The following ABCG1 variants were observed in gnomAD, a reference collection of about 807,000 sequenced individuals.
The protein encoded by ABCG1 is ATP binding cassette subfamily G member 1, also known as ATP-binding cassette sub-family G member 1.
A neutral mutation model predicts 69.2 loss-of-function variants in ABCG1; 29 were observed. That is an observed-to-expected ratio of 0.42 (90% CI 0.31 to 0.57). The LOEUF is 0.57. Among genes scored for constraint, ABCG1 ranks in the 20% least tolerant of loss-of-function variants. ABCG1 has a pLI of 0.15. For missense variants in ABCG1, 718 were observed against 898.1 expected, an observed-to-expected ratio of 0.80 and a Z score of 2.56; for synonymous variants, 370 against 374.8, an observed-to-expected ratio of 0.99 and a Z score of 0.15.
chr21:42,251,955 G>A (rs2068229017), intron 2 of ABCG1, among the ~76,000 whole-genome samples: 1 of 152,244 alleles, frequency 6.6e-6, no homozygotes, highest in Admixed American at 6.5e-5. Context: ...GAAAGGACCA[G>A]GGAAGCTCAG....
At chr21:42,238,824 G>A (rs1344447388) in intron 2 of ABCG1, among the ~76,000 whole-genome samples, 3 of 152,300 alleles carry the variant, frequency 2.0e-5, no homozygotes, top group Admixed American at 6.5e-5. Context: ...TTGGCAGCTC[G>A]TGGCAGGGAG....
At chr21:42,262,144 G>C (rs1049034159) in intron 2 of ABCG1, among the ~76,000 whole-genome samples, 1 of 152,140 alleles carries the variant, frequency 6.6e-6, no homozygotes, top group African/African-American at 2.4e-5. Flanking sequence ...CAGGTAGTAG[G>C]AGAGGTTTTT....
rs530872186 is a variant in ABCG1, at chr21:42,258,951, A to C, written c.287-12119A>C. Among the ~76,000 whole-genome samples the C allele has an allele frequency of 1.7e-4, 26 of 152,174 alleles. No individual in the cohort carries two copies. The East Asian group carries it at 4.6e-3, about 27-fold the overall frequency. ...CATGTGAGGGGAGTTTGAGTCGTTCACTCCAGAATTCTGGAGAACCGTAGG... is the reference window on the plus strand; with the variant it reads ...CATGTGAGGGGAGTTTGAGTCGTTCCCTCCAGAATTCTGGAGAACCGTAGG... On this transcript the variant is annotated intron_variant, in intron 2 of 14. Transcript: ENST00000398449.
At chr21:42,286,737 C>T (rs973589461) in intron 8 of ABCG1, among the ~76,000 whole-genome samples, 8 of 152,040 alleles carry the variant, frequency 5.3e-5, no homozygotes, top group Non-Finnish European at 8.8e-5. Flanking sequence ...GAGGGAAGGG[C>T]GGGCAGGAAG....
At chr21:42,271,753 C>A (rs2068622367) in intron 3 of ABCG1, among the ~76,000 whole-genome samples, 1 of 152,080 alleles carries the variant, frequency 6.6e-6, no homozygotes, top group Non-Finnish European at 1.5e-5. Context: ...GGCGTGGTGG[C>A]AGGTGCTATA....
chr21:42,244,872 C>T (rs1483910791), intron 2 of ABCG1, among the ~76,000 whole-genome samples: 1 of 152,274 alleles, frequency 6.6e-6, no homozygotes, highest in Admixed American at 6.5e-5. Context: ...CCCCACCTTG[C>T]TGTTGGAACC....
intron 6 of ABCG1, among the ~76,000 whole-genome samples, chr21:42,282,665 G>A (rs530529925): frequency 1.3e-5 from 2 of 152,322 alleles, no homozygotes; most frequent in South Asian, 2.1e-4. Context: ...TGGGGGAAAC[G>A]TCCTTTCACG....
At chr21:42,279,515 CT>C (rs2068769913) in intron 5 of ABCG1, among the ~76,000 whole-genome samples, 1 of 152,214 alleles carries the variant, frequency 6.6e-6, no homozygotes, top group Non-Finnish European at 1.5e-5. Context: ...CCGAGCCGAG[CT>C]TCACCTGTAA....
chr21:42,209,618 C>T (rs1027884892), intron 2 of ABCG1, among the ~76,000 whole-genome samples: 1 of 152,168 alleles, frequency 6.6e-6, no homozygotes, highest in Admixed American at 6.5e-5. Context: ...ACTTCCTTGT[C>T]AAACTGATGA....
intron 14 of ABCG1, 123 bp downstream of exon 14, chr21:42,294,783 T>G: frequency 2.4e-6 from 2 of 843,136 alleles, no homozygotes; most frequent in Non-Finnish European, 4.0e-6. Context: ...ATTACACATC[T>G]GAGGATCCAG....
chr21:42,269,427 C>T (rs920991727), intron 2 of ABCG1, among the ~76,000 whole-genome samples: 10 of 152,326 alleles, frequency 6.6e-5, no homozygotes, highest in African/African-American at 1.4e-4. Flanking sequence ...CCTCCAGCCC[C>T]GCTAATCTGT....
rs1003318554 is a variant in ABCG1, at chr21:42,223,331, C to T, written c.43-2340C>T. Among the ~76,000 whole-genome samples the T allele has an allele frequency of 9.2e-5, 14 of 152,200 alleles. No homozygotes were observed. The South Asian group carries it at 2.3e-3, about 25-fold the overall frequency. On this transcript the variant is annotated intron_variant, in intron 1 of 14. Transcript: ENST00000398449. Reference sequence around the variant, plus strand: ...ATTTCTGCAGAAAGATTTCGTCCTGCGTCTCCCCATCTCAGGGTCTGTGTT... The same window carrying T: ...ATTTCTGCAGAAAGATTTCGTCCTGTGTCTCCCCATCTCAGGGTCTGTGTT...
At chr21:42,223,300 G>A (rs1429868915) in intron 1 of ABCG1, among the ~76,000 whole-genome samples, 2 of 152,156 alleles carry the variant, frequency 1.3e-5, no homozygotes, top group African/African-American at 4.8e-5. Flanking sequence ...ACTCAACTAA[G>A]ATTCTATTTC....
intron 2 of ABCG1, among the ~76,000 whole-genome samples, chr21:42,254,012 G>C (rs225376): frequency 0.72 from 109,889 of 152,042 alleles, 40,668 homozygotes; most frequent in African/African-American, 0.88. Context: ...ACAGCTGCTG[G>C]TGCTGCTTAG....
intron 2 of ABCG1, among the ~76,000 whole-genome samples, chr21:42,205,584 C>A (rs1323106294): frequency 1.4e-5 from 2 of 145,914 alleles, no homozygotes. Context: ...GGTGACAGAG[C>A]AAGACTCCAT....
upstream of ABCG1, among the ~76,000 whole-genome samples, chr21:42,216,358 C>T (rs1021876829): frequency 6.6e-6 from 1 of 151,052 alleles, no homozygotes; most frequent in Non-Finnish European, 1.5e-5. Flanking sequence ...TAAGCTGGTC[C>T]TGTCGAGAGC....
At position 42,220,434 on chromosome 21, in the gene ABCG1, T is replaced by A. The variant is rs557024528; in HGVS notation, c.42+1130T>A. ...TTGAGCTCAAGAGAAAAAAAAAAAA[T>A]AGCCAGGTTTCTGCGCATGCTCCGC... is the stretch of plus-strand genomic sequence containing the variant. On this transcript the variant is annotated intron_variant, in intron 1 of 14. Coordinates refer to ENST00000398449, the MANE Select transcript of ABCG1 (RefSeq NM_016818.3). Among the ~76,000 whole-genome samples, 5 of 149,564 alleles carry A rather than the reference T, an allele frequency of 3.3e-5. No individual in the cohort carries two copies. The South Asian group carries it at 6.3e-4, about 19-fold the overall frequency.
At chr21:42,286,053 C>T in intron 8 of ABCG1, 59 bp downstream of exon 8, 1 of 1,234,770 alleles carries the variant, frequency 8.1e-7, no homozygotes, top group Non-Finnish European at 1.2e-6. Flanking sequence ...CTCTGTGGGT[C>T]TCACTTTTAG....
intron 2 of ABCG1, among the ~76,000 whole-genome samples, chr21:42,261,242 G>A (rs925085894): frequency 1.1e-4 from 16 of 151,674 alleles, no homozygotes; most frequent in African/African-American, 3.2e-4. Context: ...CAGCTCTGGA[G>A]TCCTGCTGGC....
Sources: gnomAD v4.1 joint callset for allele counts (sites outside exome capture counted in the v4.1 genomes callset) on GRCh38, gnomAD v4.1.1 for gene constraint, MANE v1.5 for transcripts, NCBI Gene and HGNC (gene_info 2026-07-23, HGNC 2026-07-21) for gene names.